Variants in CACNA1A observed in about 807,000 individuals in gnomAD.
CACNA1A encodes calcium voltage-gated channel subunit alpha1 A.
A neutral mutation model predicts 262.4 loss-of-function variants in CACNA1A; 57 were observed. The ratio of observed to expected loss-of-function variants is 0.22; its 90% confidence interval spans 0.18 to 0.27. CACNA1A has a LOEUF of 0.27. Ranked by LOEUF, CACNA1A falls within the 10% of genes least tolerant of loss-of-function variation. CACNA1A has a pLI of 1.00. For missense variants in CACNA1A, 2,526 were observed against 3,562.8 expected, an observed-to-expected ratio of 0.71 and a Z score of 7.41; for synonymous variants, 1,431 against 1,419.3, an observed-to-expected ratio of 1.01 and a Z score of -0.18.
At chr19:13,326,041 C>T (rs922810653) in intron 10 of CACNA1A, among the ~76,000 whole-genome samples, 1 of 152,116 alleles carries the variant, frequency 6.6e-6, no homozygotes, top group African/African-American at 2.4e-5. Flanking sequence ...TCCTGTCAGG[C>T]GCGGTGGCTA....
At chr19:13,358,457 C>T (rs2059045564) in intron 6 of CACNA1A, among the ~76,000 whole-genome samples, 1 of 152,122 alleles carries the variant, frequency 6.6e-6, no homozygotes, top group Admixed American at 6.6e-5. Flanking sequence ...CCATGTCCTG[C>T]AGTGGAAAGA....
intron 3 of CACNA1A, among the ~76,000 whole-genome samples, chr19:13,376,317 A>G (rs1230063192): frequency 6.6e-6 from 1 of 152,164 alleles, no homozygotes; most frequent in Non-Finnish European, 1.5e-5. Flanking sequence ...CAAAGCTTCA[A>G]AGGACAGGCT....
chr19:13,291,606 C>T (rs896299858), intron 19 of CACNA1A, among the ~76,000 whole-genome samples: 1 of 134,726 alleles, frequency 7.4e-6, no homozygotes, highest in African/African-American at 2.9e-5. Context: ...TGAGATCAGT[C>T]TGGGGAACAT....
intron 38 of CACNA1A, among the ~76,000 whole-genome samples, chr19:13,222,981 C>T (rs1391286022): frequency 6.6e-6 from 1 of 152,184 alleles, no homozygotes; most frequent in Non-Finnish European, 1.5e-5. Flanking sequence ...GCGTAAGCCA[C>T]TGCGCCCAGC....
chr19:13,348,087 A>C (rs1318141740), intron 6 of CACNA1A, among the ~76,000 whole-genome samples: 3 of 151,812 alleles, frequency 2.0e-5, no homozygotes, highest in Admixed American at 2.0e-4. Flanking sequence ...TGCCCAGCTA[A>C]TTAATTATTT....
chr19:13,378,636 G>A (rs2059457855), intron 3 of CACNA1A, among the ~76,000 whole-genome samples: 1 of 149,050 alleles, frequency 6.7e-6, no homozygotes, highest in African/African-American at 2.5e-5. Context: ...AACTTTTTTA[G>A]TAATAAAACA....
In CACNA1A at chr19:13,212,248, C is replaced by G; in HGVS notation, c.6190-32G>C. ...AGCAGATGGCAAAGCCAGATGAGCT[C>G]TGGGGCCTGACCTCCAGATCCCTGG... On this transcript the variant is annotated intron_variant, in intron 42 of 46. Coordinates refer to ENST00000360228, the MANE Select transcript of CACNA1A (RefSeq NM_001127222.2). This position sits in a 1 kb window ranked among gnomAD's most constrained non-coding sequence, Gnocchi z 5.6. 6.2e-7 allele frequency: 1 copy of G among 1,603,046 alleles called. No homozygotes were observed. Among genetic ancestry groups the G allele is most frequent in the Non-Finnish European group, 8.5e-7 (1 of 1,170,634 alleles).
intron 30 of CACNA1A, 151 bp from the exon 31 acceptor site, chr19:13,245,416 T>G: frequency 3.0e-6 from 2 of 657,784 alleles, no homozygotes; most frequent in Non-Finnish European, 5.6e-6. Context: ...TAAAGGCTGT[T>G]CGACATCATC....
At chr19:13,398,604 A>C (rs571831852) in intron 3 of CACNA1A, among the ~76,000 whole-genome samples, 3 of 152,350 alleles carry the variant, frequency 2.0e-5, no homozygotes, top group South Asian at 2.1e-4. Flanking sequence ...AGTAGATGCA[A>C]GCTCTGGCTC....
At position 13,328,510 on chromosome 19, in the gene CACNA1A, T is replaced by C. The variant is rs548699426; in HGVS notation, c.1345+1734A>G. On this transcript the variant is annotated intron_variant, in intron 10 of 46. Transcript: ENST00000360228. ...GGGGAATCCATGAACATATGCATAC[T>C]TGGCAGGTTTATAAATGGGTTCCAT... Among the ~76,000 whole-genome samples, 3 of 152,320 alleles carry C rather than the reference T, an allele frequency of 2.0e-5. No homozygotes were observed. The South Asian group carries it at 6.2e-4, about 32-fold the overall frequency.
chr19:13,414,268 C>T (rs1367844294), intron 3 of CACNA1A, among the ~76,000 whole-genome samples: 1 of 152,058 alleles, frequency 6.6e-6, no homozygotes, highest in Non-Finnish European at 1.5e-5. Context: ...CATGATGGTG[C>T]ATGCCTGTGG....
intron 37 of CACNA1A, among the ~76,000 whole-genome samples, chr19:13,226,759 A>G (rs993706525): frequency 6.6e-6 from 1 of 152,088 alleles, no homozygotes; most frequent in Non-Finnish European, 1.5e-5. Flanking sequence ...TCAGTGTGCC[A>G]CCGTCCAGGG....
intron 10 of CACNA1A, among the ~76,000 whole-genome samples, chr19:13,319,815 G>C (rs1260765905): frequency 6.6e-6 from 1 of 152,156 alleles, no homozygotes; most frequent in Non-Finnish European, 1.5e-5. Context: ...CTCCTGCTCA[G>C]AGCCCTAGGA....
At chr19:13,421,397 G>C (rs2060313327) in intron 3 of CACNA1A, among the ~76,000 whole-genome samples, 1 of 152,122 alleles carries the variant, frequency 6.6e-6, no homozygotes, top group Admixed American at 6.5e-5. Flanking sequence ...GTAGGGCCCT[G>C]CTCTCATGGA....
intron 11 of CACNA1A, chr19:13,316,702 C>T (rs2058134025): frequency 6.4e-6 from 1 of 157,218 alleles, no homozygotes; most frequent in African/African-American, 2.4e-5. Flanking sequence ...ATTTCTAAGG[C>T]ATCCTCTCTT....
chr19:13,440,134 A>T (rs1471524231), intron 3 of CACNA1A, among the ~76,000 whole-genome samples: 1 of 152,076 alleles, frequency 6.6e-6, no homozygotes, highest in Non-Finnish European at 1.5e-5. Flanking sequence ...TAATTAAAAA[A>T]TTTTTAAGAG....
chr19:13,367,595 G>A (rs2059239259), intron 4 of CACNA1A, among the ~76,000 whole-genome samples: 1 of 145,162 alleles, frequency 6.9e-6, no homozygotes, highest in African/African-American at 2.5e-5. Context: ...GGGCGTGGTG[G>A]CGGGCACCTG....
At chr19:13,365,650 A>G (rs1327651150) in intron 4 of CACNA1A, 181 bp from the exon 5 acceptor site, 1 of 534,092 alleles carries the variant, frequency 1.9e-6, no homozygotes, top group African/African-American at 1.9e-5. Context: ...GATCCTTATC[A>G]TGGGAACAAC....
intron 6 of CACNA1A, among the ~76,000 whole-genome samples, chr19:13,347,059 GTTTT>G (rs1207564258): frequency 5.1e-5 from 3 of 58,392 alleles, no homozygotes; most frequent in African/African-American, 5.2e-5. Flanking sequence ...TGTTTTTTTT[GTTTT>G]TTTGTTTTTT....
Sources: gnomAD v4.1 joint callset for allele counts (sites outside exome capture counted in the v4.1 genomes callset) on GRCh38, gnomAD v4.1.1 for gene constraint, Gnocchi (gnomAD v3.1) non-coding constraint, MANE v1.5 for transcripts, NCBI Gene and HGNC (gene_info 2026-07-23, HGNC 2026-07-21) for gene names.